The following FREM3 variants were observed in gnomAD, a reference collection of about 807,000 sequenced individuals.
The protein encoded by FREM3 is FRAS1 related extracellular matrix 3, also known as FRAS1-related extracellular matrix protein 3.
FREM3 carries 105 observed loss-of-function variants against 129.1 expected under a neutral mutation model. The ratio of observed to expected loss-of-function variants is 0.81; its 90% CI spans 0.69 to 0.96. The LOEUF is 0.96. Among genes scored for constraint, FREM3 ranks in the 40% least tolerant of loss-of-function variants. The probability of loss-of-function intolerance (pLI) is 0.00; values close to 1 mark genes in which losing one functional copy is unlikely to be tolerated. For missense variants in FREM3, 2,593 were observed against 2,666.3 expected (o/e 0.97, Z 0.61); for synonymous variants, 1,014 against 1,044.9 (o/e 0.97, Z 0.57).
At chr4:143,655,659 A>C (rs1010690489) in intron 2 of FREM3, among the ~76,000 whole-genome samples, 2 of 152,236 alleles carry the variant, frequency 1.3e-5, no homozygotes, top group African/African-American at 2.4e-5. Flanking sequence ...ATACCATTTA[A>C]GTTATTTTGA....
At chr4:143,695,129 C>T (rs1740541456) in intron 1 of FREM3, among the ~76,000 whole-genome samples, 1 of 152,192 alleles carries the variant, frequency 6.6e-6, no homozygotes, top group Non-Finnish European at 1.5e-5. Flanking sequence ...AATAACTATA[C>T]AAATGATTTC....
intron 6 of FREM3, among the ~76,000 whole-genome samples, chr4:143,592,018 C>G (rs1480069215): frequency 6.6e-6 from 1 of 152,174 alleles, no homozygotes; most frequent in Admixed American, 6.5e-5. Context: ...CTCTTTTGAT[C>G]TTTGTTGGTT....
intron 2 of FREM3, among the ~76,000 whole-genome samples, chr4:143,674,024 G>C (rs1740056720): frequency 6.6e-6 from 1 of 152,220 alleles, no homozygotes; most frequent in Non-Finnish European, 1.5e-5. Flanking sequence ...GGAATTCCCT[G>C]ACCCCTTGCA....
In FREM3 at chr4:143,698,686, T is replaced by C. The variant is rs1740629143; in HGVS notation, c.1990A>G (p.Ser664Gly). The change falls in exon 1 of 8, where the codon AGC becomes GGC. Residue 664 changes from serine to glycine, a missense_variant. By Grantham distance (56) the Ser-to-Gly change is moderately conservative. Coordinates refer to ENST00000329798, the MANE Select transcript of FREM3 (RefSeq NM_001168235.2). Reference protein sequence around the residue: ...RLFYRHLGPHSPQSVMVQLAF... With the variant: ...RLFYRHLGPHGPQSVMVQLAF... Reference sequence around the variant, plus strand: ...AGCTGGACCATTACAGATTGAGGGCTGTGTGGTCCAAGATGGCGGTAGAAG... The same window carrying C: ...AGCTGGACCATTACAGATTGAGGGCCGTGTGGTCCAAGATGGCGGTAGAAG... 5 of 1,537,580 alleles carry C rather than the reference T, an allele frequency of 3.3e-6. No individual in the cohort carries two copies. Among genetic ancestry groups the C allele is most frequent in the Non-Finnish European group, 4.4e-6 (5 of 1,147,000 alleles).
At chr4:143,580,370 C>T (rs1217015510) in intron 7 of FREM3, among the ~76,000 whole-genome samples, 1 of 152,110 alleles carries the variant, frequency 6.6e-6, no homozygotes, top group East Asian at 1.9e-4. Flanking sequence ...CTCCTGGGAC[C>T]CACAGTTCTT....
At position 143,585,406 on chromosome 4, in the gene FREM3, C is replaced by T. The variant is rs1440560518; in HGVS notation, c.6178+438G>A. On this transcript the variant is annotated intron_variant, in intron 7 of 7. Transcript: ENST00000329798. This position sits in a 1 kb window ranked among gnomAD's most constrained non-coding sequence, Gnocchi z 4.2. ...TCAGGAAATGCAAAGGTGAGCAGGG[C>T]ATGAAGACATGCTGTTTGAAGCTAA... 1.3e-5 allele frequency among the ~76,000 whole-genome samples: 2 copies of T among 152,150 alleles called. No individual in the cohort carries two copies. Among genetic ancestry groups the T allele is most frequent in the African/African-American group, 2.4e-5 (1 of 41,432 alleles).
intron 2 of FREM3, among the ~76,000 whole-genome samples, chr4:143,653,284 C>T (rs1379607526): frequency 6.6e-6 from 1 of 152,198 alleles, no homozygotes; most frequent in Non-Finnish European, 1.5e-5. Context: ...CATCTGGGAC[C>T]TCAAATAGGG....
At chr4:143,682,542 G>T (rs558057832) in intron 2 of FREM3, among the ~76,000 whole-genome samples, 7 of 152,298 alleles carry the variant, frequency 4.6e-5, no homozygotes, top group African/African-American at 1.7e-4. Flanking sequence ...GCTTGGGTCT[G>T]CTCCCACACC....
intron 2 of FREM3, among the ~76,000 whole-genome samples, chr4:143,633,762 T>C (rs1454220128): frequency 1.3e-5 from 2 of 152,192 alleles, no homozygotes; most frequent in African/African-American, 4.8e-5. Flanking sequence ...GATTATTTGC[T>C]CATTTACACA....
intron 6 of FREM3, among the ~76,000 whole-genome samples, chr4:143,592,047 A>G (rs1301355620): frequency 6.6e-6 from 1 of 152,140 alleles, no homozygotes; most frequent in East Asian, 1.9e-4. Flanking sequence ...GTTTTATCAG[A>G]GACTAGGATT....
chr4:143,589,301 A>G (rs1449080570), intron 6 of FREM3, among the ~76,000 whole-genome samples: 2 of 152,160 alleles, frequency 1.3e-5, no homozygotes, highest in East Asian at 3.8e-4. Flanking sequence ...TGTTTTAGAC[A>G]TGAAGTCCTT....
In FREM3 at chr4:143,661,251, A is replaced by G. The variant is rs558056364; in HGVS notation, c.5275+31862T>C. 9.0e-3 allele frequency among the ~76,000 whole-genome samples: 1,378 copies of G among 152,324 alleles called. 5 individuals are homozygous for G. The highest frequency in any genetic ancestry group is 0.014 in the Non-Finnish European group (920 of 68,024). The stretch of plus-strand genomic sequence containing the variant: ...TAGATAGCTCTTATTATTTTGAGAT[A>G]CGTCCCATCAATACCTAATTTATTG... On this transcript the variant is annotated intron_variant, in intron 2 of 7. Transcript: ENST00000329798.
At chr4:143,606,480 G>A (rs1271138300) in intron 6 of FREM3, among the ~76,000 whole-genome samples, 1 of 151,830 alleles carries the variant, frequency 6.6e-6, no homozygotes, top group East Asian at 1.9e-4. Flanking sequence ...CATGAAGGTA[G>A]CTTTTCGTTA....
intron 6 of FREM3, among the ~76,000 whole-genome samples, chr4:143,603,565 TGAGG>T (rs1207010253): frequency 1.3e-5 from 2 of 152,114 alleles, no homozygotes; most frequent in Admixed American, 1.3e-4. Flanking sequence ...GTTTCTGAGA[TGAGG>T]AGTGCCAGAT....
At chr4:143,691,214 TA>T (rs1489257266) in intron 2 of FREM3, among the ~76,000 whole-genome samples, 1 of 152,182 alleles carries the variant, frequency 6.6e-6, no homozygotes, top group Non-Finnish European at 1.5e-5. Context: ...CTTATCACTT[TA>T]ATTCTCAAGG....
At chr4:143,613,304 C>T (rs1324693344) in intron 5 of FREM3, among the ~76,000 whole-genome samples, 3 of 152,150 alleles carry the variant, frequency 2.0e-5, no homozygotes, top group African/African-American at 7.2e-5. Flanking sequence ...GGGGAACTAT[C>T]ACTTGGTGGG....
chr4:143,699,957 ACG>A lies in FREM3; in HGVS notation c.717_718del (p.Val240ArgfsTer3), dbSNP rs539948867. ...AGCACGGAGGAAAGCCTCACAGTCT[ACG>A]CCCTTGCCCCTGGGGAGAGGGGCCC... On this transcript the variant is annotated frameshift_variant, in exon 1 of 8. Transcript: ENST00000329798. LOFTEE classifies it high-confidence loss of function. This position sits in a 1 kb window ranked among gnomAD's most constrained non-coding sequence, Gnocchi z 4.2. 35 of 1,523,348 alleles carry A rather than the reference ACG, an allele frequency of 2.3e-5. No homozygotes were observed. In the East Asian group the frequency reaches 7.4e-4, roughly 32 times the overall value. The allele number at this position is 1,523,348 out of a possible 1,614,324, so 94.4% of individuals were successfully genotyped here.
intron 2 of FREM3, among the ~76,000 whole-genome samples, chr4:143,658,517 T>C (rs993446211): frequency 1.3e-5 from 2 of 152,196 alleles, no homozygotes; most frequent in African/African-American, 4.8e-5. Flanking sequence ...CTGAATGGAC[T>C]GAGAGAGTCA....
intron 6 of FREM3, among the ~76,000 whole-genome samples, chr4:143,586,509 G>C (rs1391210438): frequency 6.6e-6 from 1 of 152,092 alleles, no homozygotes; most frequent in Non-Finnish European, 1.5e-5. Context: ...TGAATGAGGG[G>C]GAGGAGAGAT....
Sources: gnomAD v4.1 joint callset for allele counts (sites outside exome capture counted in the v4.1 genomes callset) on GRCh38, gnomAD v4.1.1 for gene constraint, Gnocchi (gnomAD v3.1) non-coding constraint, MANE v1.5 for transcripts, NCBI Gene and HGNC (gene_info 2026-07-23, HGNC 2026-07-21) for gene names.